Variants in HLA-DRB1 observed in about 807,000 individuals in gnomAD.
HLA-DRB1 encodes major histocompatibility complex, class II, DR beta 1, also known as major histocompatibility complex, class II, DR beta 1 precursor.
Under a neutral mutation model 27.9 loss-of-function variants are expected in HLA-DRB1, and 10 were observed. The ratio of observed to expected loss-of-function variants is 0.36; its 90% CI spans 0.22 to 0.61. The LOEUF is 0.61. Ranked by LOEUF, HLA-DRB1 falls within the 20% of genes least tolerant of loss-of-function variation. HLA-DRB1 has a pLI of 0.73. For missense variants in HLA-DRB1, 118 were observed against 306.3 expected, an observed-to-expected ratio of 0.39 and a Z score of 4.59; for synonymous variants, 57 against 126.7, an observed-to-expected ratio of 0.45 and a Z score of 3.69.
intron 2 of HLA-DRB1, among the ~76,000 whole-genome samples, chr6:32,582,733 A>G (rs1374614640): frequency 1.1e-5 from 1 of 87,934 alleles, no homozygotes; most frequent in Non-Finnish European, 2.3e-5. Flanking sequence ...CATAATTATT[A>G]TTAGGCCTAT....
At chr6:32,580,359 T>G (rs9269749) in intron 4 of HLA-DRB1, 89 bp from the exon 5 acceptor site, 221,224 of 525,620 alleles carry the variant, frequency 0.42, 64,179 homozygotes, top group African/African-American at 0.55. Context: ...ATCTCCCACC[T>G]GAGATTTCTC....
chr6:32,588,772 T>C (rs1206271731), intron 1 of HLA-DRB1, among the ~76,000 whole-genome samples: 3 of 65,744 alleles, frequency 4.6e-5, no homozygotes, highest in Non-Finnish European at 9.5e-5. Context: ...TTTCTGATAG[T>C]TGATTATTTT....
intron 1 of HLA-DRB1, among the ~76,000 whole-genome samples, chr6:32,586,534 C>T (rs1309837456): frequency 1.5e-5 from 1 of 66,006 alleles, no homozygotes; most frequent in Non-Finnish European, 3.0e-5. Context: ...TGGGCTCTTT[C>T]TCAGCCCCCT....
intron 1 of HLA-DRB1, among the ~76,000 whole-genome samples, chr6:32,584,798 A>C (rs9269989): frequency 0.23 from 16,947 of 72,462 alleles, 172 homozygotes; most frequent in East Asian, 0.32. Flanking sequence ...TTCCTTAGTG[A>C]TGACCTTGTG....
chr6:32,588,800 T>C (rs1373966350), intron 1 of HLA-DRB1, among the ~76,000 whole-genome samples: 28 of 65,686 alleles, frequency 4.3e-4, no homozygotes, highest in Non-Finnish European at 7.0e-4. Flanking sequence ...AAAAATAGAA[T>C]TTCATATAAT....
At chr6:32,582,430 C>G (rs28723992) in intron 2 of HLA-DRB1, among the ~76,000 whole-genome samples, 6,145 of 93,402 alleles carry the variant, frequency 0.066, no homozygotes, top group Admixed American at 0.11. Flanking sequence ...TACACCTTGA[C>G]AGAAAAATAT....
At chr6:32,580,102 CA>C (rs749877413) in intron 5 of HLA-DRB1, 144 bp downstream of exon 5, 2,981 of 52,586 alleles carry the variant, frequency 0.057, no homozygotes, top group Non-Finnish European at 0.068. Flanking sequence ...GACTCCGTCT[CA>C]AAAAAAAAAA....
chr6:32,578,859 A>T, exon 6 of HLA-DRB1: 1 of 433,630 alleles, frequency 2.3e-6, no homozygotes, highest in East Asian at 5.3e-5. Context: ...CGGTTTAGGC[A>T]AAGGGGAGCA....
chr6:32,584,418 T>C lies in HLA-DRB1; in HGVS notation c.101-40A>G, dbSNP rs28724107. 2 of 760,210 alleles carry C rather than the reference T, an allele frequency of 2.6e-6. 1 individual carries two copies. The highest frequency in any genetic ancestry group is 3.4e-5 in the South Asian group (2 of 59,380). The allele number at this position is 760,210 out of a possible 1,614,324, so 47.1% of individuals were successfully genotyped here. On this transcript the variant is annotated intron_variant, in intron 1 of 5. Transcript: ENST00000360004. ...ACCATCCGGTCACAGGGCGGCCTCC[T>C]GAGAAGACACGGACAGCGACGCCAC...
intron 2 of HLA-DRB1, among the ~76,000 whole-genome samples, chr6:32,582,606 C>T (rs28724001): frequency 0.015 from 1,207 of 81,312 alleles, 69 homozygotes; most frequent in South Asian, 0.045. Context: ...CAAATTTTTA[C>T]TTTCCTAGAA....
At chr6:32,580,884 G>T (rs28732283) in intron 3 of HLA-DRB1, 28 bp from the exon 4 acceptor site, 355,007 of 1,422,934 alleles carry the variant, frequency 0.25, 38,294 homozygotes, top group East Asian at 0.33. Flanking sequence ...GTTTAGTGAT[G>T]TTTATTCCAA....
rs1258764041 is a variant in HLA-DRB1 at position 32,578,803 on chromosome 6, A to G, written c.*288T>C. 18 of 254,366 alleles carry G rather than the reference A, an allele frequency of 7.1e-5. No homozygotes were observed. The East Asian group carries it at 1.8e-3, about 25-fold the overall frequency. The allele number at this position is 254,366 out of a possible 1,614,324, so 15.8% of individuals were successfully genotyped here. ...ATCTTTGAGAAACATTTAATAATGT[A>G]ATGTGTTTGTCATACAGGGTGAATA... is the stretch of plus-strand genomic sequence containing the variant. On this transcript the variant is annotated 3_prime_UTR_variant, in exon 6 of 6. Transcript: ENST00000360004.
intron 1 of HLA-DRB1, among the ~76,000 whole-genome samples, chr6:32,586,669 G>GCTTCA (rs113966350): frequency 0.058 from 3,373 of 58,550 alleles, 252 homozygotes; most frequent in Middle Eastern, 0.081. Context: ...TGAAGCCCTG[G>GCTTCA]CCTCACCATG....
rs1322518700 is a variant in HLA-DRB1 at position 32,579,610 on chromosome 6, A to C, written c.788-506T>G. ...ATTTGTCCCTGCCCATGTCCTGCAG[A>C]TTGGTCCATTTTAAAGAGTGCTGAT... On this transcript the variant is annotated intron_variant, in intron 5 of 5. Coordinates refer to ENST00000360004, the Ensembl canonical transcript of HLA-DRB1. 3.2e-5 allele frequency among the ~76,000 whole-genome samples: 2 copies of C among 62,994 alleles called. 1 individual carries two copies. 41.3% of individuals were successfully genotyped at this position (62,994 alleles called of 152,430 possible).
At chr6:32,586,633 G>T (rs115781689) in intron 1 of HLA-DRB1, among the ~76,000 whole-genome samples, 1,911 of 47,580 alleles carry the variant, frequency 0.04, 48 homozygotes, top group Middle Eastern at 0.079. Context: ...CACACTACAC[G>T]TATTGCTGCT....
At chr6:32,589,285 ACC>A (rs1195378318) in intron 1 of HLA-DRB1, among the ~76,000 whole-genome samples, 661 of 130,544 alleles carry the variant, frequency 5.1e-3, no homozygotes, top group South Asian at 0.014. Flanking sequence ...TTCAGTAAGA[ACC>A]TCCTTTTGTC....
At chr6:32,582,656 T>A in intron 2 of HLA-DRB1, among the ~76,000 whole-genome samples, 1 of 97,798 alleles carries the variant, frequency 1.0e-5, no homozygotes, top group Non-Finnish European at 2.1e-5. Flanking sequence ...TTAGGGAACG[T>A]CATTTAAGTT....
chr6:32,588,253 C>T (rs9270189), intron 1 of HLA-DRB1, among the ~76,000 whole-genome samples: 110,967 of 130,012 alleles, frequency 0.85, 48,398 homozygotes, highest in Middle Eastern at 0.94. Flanking sequence ...TCCAGCAGTT[C>T]AAGACCAGCC....
intron 2 of HLA-DRB1, among the ~76,000 whole-genome samples, chr6:32,582,390 G>T (rs35376699): frequency 0.05 from 5,404 of 108,860 alleles, no homozygotes; most frequent in Admixed American, 0.082. Context: ...ACACTTGAGT[G>T]CTCCACTTGG....
Sources: gnomAD v4.1 joint callset for allele counts (sites outside exome capture counted in the v4.1 genomes callset) on GRCh38, gnomAD v4.1.1 for gene constraint, MANE v1.5 for transcripts, NCBI Gene and HGNC (gene_info 2026-07-23, HGNC 2026-07-21) for gene names.